PTPRT: variants seen among roughly 807,000 people sequenced by gnomAD.
PTPRT encodes receptor-type tyrosine-protein phosphatase T.
In PTPRT, 56 loss-of-function variants were observed where a neutral mutation model predicts 176.8. That is an observed-to-expected ratio of 0.32 (90% CI 0.26 to 0.40). The LOEUF (loss-of-function observed/expected upper bound fraction) is 0.40, where lower values mean the gene tolerates loss of function less well. Among genes scored for constraint, PTPRT ranks in the 10% least tolerant of loss-of-function variants. The probability of loss-of-function intolerance (pLI) is 1.00; values close to 1 mark genes in which losing one functional copy is unlikely to be tolerated. For synonymous variants in PTPRT, 783 were observed against 739.0 expected, an observed-to-expected ratio of 1.06 and a Z score of -0.96; for missense variants, 1,540 against 1,908.2, an observed-to-expected ratio of 0.81 and a Z score of 3.60.
chr20:42,338,728 T>C (rs994325506), intron 11 of PTPRT, among the ~76,000 whole-genome samples: 1 of 152,160 alleles, frequency 6.6e-6, no homozygotes, highest in Non-Finnish European at 1.5e-5. Context: ...AGCTTTGCCT[T>C]TTAGCCACAA....
chr20:43,084,068 T>C (rs2011538585), intron 1 of PTPRT, among the ~76,000 whole-genome samples: 1 of 152,234 alleles, frequency 6.6e-6, no homozygotes, highest in Non-Finnish European at 1.5e-5. Context: ...GTTTCCACTG[T>C]TGTGTACCTG....
At chr20:42,409,125 G>C (rs553512183) in intron 9 of PTPRT, among the ~76,000 whole-genome samples, 1 of 152,240 alleles carries the variant, frequency 6.6e-6, no homozygotes, top group South Asian at 2.1e-4. Flanking sequence ...TTGTTATCCT[G>C]AAATAGTTAT....
intron 1 of PTPRT, among the ~76,000 whole-genome samples, chr20:43,032,656 A>C (rs1344160239): frequency 6.6e-6 from 1 of 152,104 alleles, no homozygotes; most frequent in Non-Finnish European, 1.5e-5. Flanking sequence ...GGAATCTCTT[A>C]TCTTAGCCCC....
Position 42,213,946 on chromosome 20 carries a change from T to G in PTPRT, c.2343-14558A>C, listed in dbSNP as rs192150160. 4.6e-5 allele frequency among the ~76,000 whole-genome samples: 7 copies of G among 152,350 alleles called. No individual in the cohort carries two copies. The East Asian group carries it at 1.3e-3, about 29-fold the overall frequency. ...AAAATGACCATAATTCCTAAATTGATGTTATTTGTTTAATAAACATTATAG... is the reference window on the plus strand; with the variant it reads ...AAAATGACCATAATTCCTAAATTGAGGTTATTTGTTTAATAAACATTATAG... On this transcript the variant is annotated intron_variant, in intron 15 of 30. Coordinates refer to ENST00000373187, the MANE Select transcript of PTPRT (RefSeq NM_007050.6).
At chr20:43,097,151 C>T (rs2012205270) in intron 1 of PTPRT, among the ~76,000 whole-genome samples, 1 of 152,168 alleles carries the variant, frequency 6.6e-6, no homozygotes, top group Non-Finnish European at 1.5e-5. Flanking sequence ...CCAAGCAATG[C>T]ACAGTAAGGG....
intron 1 of PTPRT, among the ~76,000 whole-genome samples, chr20:42,898,035 C>T (rs1311138639): frequency 2.6e-5 from 4 of 152,206 alleles, no homozygotes. Flanking sequence ...GTCTGCCCAT[C>T]ATATCCCTTA....
rs529234389 is a variant in PTPRT at position 42,766,886 on chromosome 20, C to G, written c.684+4549G>C. Among the ~76,000 whole-genome samples, 10 of 152,360 alleles carry G rather than the reference C, an allele frequency of 6.6e-5. No individual in the cohort carries two copies. In the South Asian group the frequency reaches 2.1e-3, roughly 32 times the overall value. ...TACAGCAGGAAGTAGCACTGCTACACAGTAGACCTGCTGTAGCTGTCTTAT... is the reference window on the plus strand; with the variant it reads ...TACAGCAGGAAGTAGCACTGCTACAGAGTAGACCTGCTGTAGCTGTCTTAT... On this transcript the variant is annotated intron_variant, in intron 5 of 30. Transcript: ENST00000373187.
At chr20:42,412,379 C>T (rs1473465194) in intron 9 of PTPRT, among the ~76,000 whole-genome samples, 2 of 152,084 alleles carry the variant, frequency 1.3e-5, no homozygotes, top group African/African-American at 4.8e-5. Context: ...ACACACTCAC[C>T]TACTCATGTG....
chr20:43,112,351 G>C (rs765510372), intron 1 of PTPRT, among the ~76,000 whole-genome samples: 2 of 152,168 alleles, frequency 1.3e-5, no homozygotes, highest in Admixed American at 1.3e-4. Context: ...GTAGAAATGG[G>C]ATCCTCTTTG....
intron 16 of PTPRT, among the ~76,000 whole-genome samples, chr20:42,184,803 T>TA (rs1990706408): frequency 6.8e-6 from 1 of 148,136 alleles, no homozygotes; most frequent in Admixed American, 6.8e-5. Context: ...AATTTTTTTT[T>TA]TTTTGTATTT....
At chr20:42,038,471 G>A in the PTPRT span, among the ~76,000 whole-genome samples, 2 of 152,312 alleles carry the variant, frequency 1.3e-5, no homozygotes, top group Admixed American at 1.3e-4. Flanking sequence ...TGTCTGAGCA[G>A]GGCCTGGAAG....
chr20:42,511,091 A>G lies in PTPRT; in HGVS notation c.1154-38529T>C, dbSNP rs554932232. ...GAGGTAGCACATTGCATATTAGTACAGTTAGCACATGGCCACATGATGCTC... is the reference window on the plus strand; with the variant it reads ...GAGGTAGCACATTGCATATTAGTACGGTTAGCACATGGCCACATGATGCTC... On this transcript the variant is annotated intron_variant, in intron 7 of 30. Transcript: ENST00000373187. Among the ~76,000 whole-genome samples, 21 of 152,234 alleles carry G rather than the reference A, an allele frequency of 1.4e-4. No homozygotes were observed. In the East Asian group the frequency reaches 4.1e-3, roughly 29 times the overall value.
intron 6 of PTPRT, among the ~76,000 whole-genome samples, chr20:42,713,840 C>T (rs1013560601): frequency 3.9e-5 from 6 of 152,188 alleles, no homozygotes; most frequent in African/African-American, 1.4e-4. Context: ...CTCTCTTCCT[C>T]CAGTTCGGGC....
chr20:43,050,515 C>T (rs185796833), intron 1 of PTPRT, among the ~76,000 whole-genome samples: 1 of 152,294 alleles, frequency 6.6e-6, no homozygotes, highest in African/African-American at 2.4e-5. Flanking sequence ...CAGACCCAGC[C>T]CTGGGCCAGT....
intron 2 of PTPRT, among the ~76,000 whole-genome samples, chr20:42,819,054 C>A (rs1229822801): frequency 2.6e-5 from 4 of 152,182 alleles, no homozygotes; most frequent in African/African-American, 4.8e-5. Context: ...GCAAAGAAAC[C>A]ATTAAGATAC....
At chr20:42,712,316 G>A (rs757281151) in intron 6 of PTPRT, among the ~76,000 whole-genome samples, 11 of 152,132 alleles carry the variant, frequency 7.2e-5, no homozygotes, top group Non-Finnish European at 1.5e-4. Flanking sequence ...GCTTGGCAGT[G>A]GGTATGTTAG....
chr20:42,869,880 T>C (rs1379965360), intron 2 of PTPRT, among the ~76,000 whole-genome samples: 1 of 152,156 alleles, frequency 6.6e-6, no homozygotes, highest in Non-Finnish European at 1.5e-5. Flanking sequence ...AGTAATGCGG[T>C]CAGAGCCCTC....
chr20:42,775,365 T>C (rs1019542603), intron 4 of PTPRT, among the ~76,000 whole-genome samples: 1 of 152,214 alleles, frequency 6.6e-6, no homozygotes, highest in African/African-American at 2.4e-5. Context: ...AGATGCTCTG[T>C]GGGCTCGGGG....
chr20:42,458,822 C>A (rs2070967956), intron 8 of PTPRT, among the ~76,000 whole-genome samples: 1 of 152,082 alleles, frequency 6.6e-6, no homozygotes, highest in South Asian at 2.1e-4. Flanking sequence ...TTCATTCGTT[C>A]AATAATGTAT....
Sources: gnomAD v4.1 joint callset for allele counts (sites outside exome capture counted in the v4.1 genomes callset) on GRCh38, gnomAD v4.1.1 for gene constraint, MANE v1.5 for transcripts, NCBI Gene and HGNC (gene_info 2026-07-23, HGNC 2026-07-21) for gene names.